Variants in GJC2 observed in about 807,000 individuals in gnomAD.
The protein encoded by GJC2 is gap junction protein gamma 2, also known as gap junction gamma-2 protein.
For missense variants in GJC2, 647 were observed against 648.9 expected (o/e 1.00, Z 0.03); for synonymous variants, 336 against 307.5 (o/e 1.09, Z -0.97).
rs895413218 is a variant in GJC2 at position 228,150,696 on chromosome 1, G to A, written c.-20+689G>A. Among the ~76,000 whole-genome samples the A allele has an allele frequency of 4.6e-5, 7 of 152,050 alleles. No homozygotes were observed. Among genetic ancestry groups the A allele is most frequent in the African/African-American group, 9.7e-5 (4 of 41,406 alleles). On this transcript the variant is annotated intron_variant, in intron 1 of 1. Coordinates refer to ENST00000366714, the MANE Select transcript of GJC2 (RefSeq NM_020435.4). The surrounding 1 kb of genome is among the most constrained non-coding windows in gnomAD (Gnocchi z 4.6). Reference sequence around the variant, plus strand: ...GAGGCCCACACCCCTCTGGGAGGGCGGAGCACCCCAGGGCTGCTGCGCAGG... The same window carrying A: ...GAGGCCCACACCCCTCTGGGAGGGCAGAGCACCCCAGGGCTGCTGCGCAGG...
chr1:228,158,814 C>A lies in GJC2; in HGVS notation c.1056C>A (p.Asn352Lys). 1.4e-6 allele frequency: 2 copies of A among 1,452,306 alleles called. No homozygotes were observed. The highest frequency in any genetic ancestry group is 1.8e-6 in the Non-Finnish European group (2 of 1,105,636). The allele number at this position is 1,452,306 out of a possible 1,614,324, so 90.0% of individuals were successfully genotyped here. A position where few individuals can be genotyped will look rare whatever the true frequency, so the allele number is the denominator to read the frequency against. The change falls in exon 2 of 2, where the codon AAC becomes AAA. Residue 352 changes from asparagine to lysine, a missense_variant. By Grantham distance (94) the Asn-to-Lys change is moderately conservative. Coordinates refer to ENST00000366714, the MANE Select transcript of GJC2 (RefSeq NM_020435.4). This position sits in a 1 kb window ranked among gnomAD's most constrained non-coding sequence, Gnocchi z 8.3. Reference protein sequence around the residue: ...RARAHDQNLANLALQALRDGA... With the variant: ...RARAHDQNLAKLALQALRDGA... ...GGGCGCATGACCAGAACCTGGCAAACCTGGCCCTGCAGGCGCTGCGCGACG... is the reference window on the plus strand; with the variant it reads ...GGGCGCATGACCAGAACCTGGCAAAACTGGCCCTGCAGGCGCTGCGCGACG...
Position 228,157,740 on chromosome 1 carries a change from G to GGGGGGGGGGGGGGCC in GJC2, c.-19_-18insGGGGGGGGGGGGGCC. 1.5e-6 allele frequency: 1 copy of GGGGGGGGGGGGGGCC among 662,262 alleles called. No individual in the cohort carries two copies. Among genetic ancestry groups the GGGGGGGGGGGGGGCC allele is most frequent in the Non-Finnish European group, 2.6e-6 (1 of 378,506 alleles). 41.0% of individuals were successfully genotyped at this position (662,262 alleles called of 1,614,324 possible). A position where few individuals can be genotyped will look rare whatever the true frequency, so the allele number is the denominator to read the frequency against. The stretch of plus-strand genomic sequence containing the variant: ...GGCTGACCCCTACCCCGCCCCACAG[G>GGGGGGGGGGGGGGCC]ACCCGCCCGCCCGCCCCTATGACCA... On this transcript the variant is annotated splice_region_variant and 5_prime_UTR_variant, in exon 2 of 2. Coordinates refer to ENST00000366714, the MANE Select transcript of GJC2 (RefSeq NM_020435.4).
chr1:228,158,714 C>T lies in GJC2; in HGVS notation c.956C>T (p.Ala319Val), dbSNP rs1180625150. Residue 319 changes from alanine (A) to valine (V), a missense_variant, in exon 2 of 2, where the codon GCC becomes GTC. Transcript: ENST00000366714. The surrounding 1 kb of genome is among the most constrained non-coding windows in gnomAD (Gnocchi z 8.3). ...CCCGCGCCGCGGCCCCCGCCCTGCG[C>T]CTTCCCTGCGGCGGCCGCTGGCTTG... ...PAPAPRPPPC[A>V]FPAAAAGLAC... 7.8e-7 allele frequency: 1 copy of T among 1,280,644 alleles called. No individual in the cohort carries two copies. The highest frequency in any genetic ancestry group is 3.6e-5 in the Admixed American group (1 of 27,950). 79.3% of individuals were successfully genotyped at this position (1,280,644 alleles called of 1,614,324 possible).
In GJC2 at chr1:228,159,359, CT is replaced by C; in HGVS notation, c.*282del. On this transcript the variant is annotated 3_prime_UTR_variant, in exon 2 of 2. Coordinates refer to ENST00000366714, the MANE Select transcript of GJC2 (RefSeq NM_020435.4). The surrounding 1 kb of genome is among the most constrained non-coding windows in gnomAD (Gnocchi z 4.0). ...GGGGAGTGGGGCATTGACTCCACCC[CT>C]GTCCTGAGCTGGAATAGGTCCTCTG... 1 of 477,978 alleles carries C rather than the reference CT, an allele frequency of 2.1e-6. No homozygotes were observed. Among genetic ancestry groups the C allele is most frequent in the Non-Finnish European group, 3.9e-6 (1 of 258,688 alleles). The allele number at this position is 477,978 out of a possible 1,614,324, so 29.6% of individuals were successfully genotyped here. A position where few individuals can be genotyped will look rare whatever the true frequency, so the allele number is the denominator to read the frequency against.
Position 228,158,272 on chromosome 1 carries a change from G to A in GJC2, c.514G>A (p.Ala172Thr). ...AEGAGEEAEE[A>T]GAEEACTKAV... is the part of the protein sequence containing the mutation. ...GGGCGCCGGCGAGGAAGCGGAGGAGGCAGGCGCGGAGGAGGCGTGCACTAA... is the reference window on the plus strand; with the variant it reads ...GGGCGCCGGCGAGGAAGCGGAGGAGACAGGCGCGGAGGAGGCGTGCACTAA... The change falls in exon 2 of 2, where the codon GCA becomes ACA. Residue 172 changes from alanine (A) to threonine (T), a missense_variant. By Grantham distance (58) the Ala-to-Thr change is moderately conservative. Coordinates refer to ENST00000366714, the MANE Select transcript of GJC2 (RefSeq NM_020435.4). This position sits in a 1 kb window ranked among gnomAD's most constrained non-coding sequence, Gnocchi z 8.3. 2.0e-6 allele frequency: 3 copies of A among 1,524,814 alleles called. No homozygotes were observed. Among genetic ancestry groups the A allele is most frequent in the East Asian group, 2.5e-5 (1 of 40,524 alleles). 94.5% of individuals were successfully genotyped at this position (1,524,814 alleles called of 1,614,324 possible).
Position 228,159,017 on chromosome 1 carries a change from G to C in GJC2, c.1259G>C (p.Arg420Thr). ...CACGAGCGGCCAGGAGCCAAGCCCA[G>C]GGCTGGCTCCGAGAAGGGCAGTGCC... is the stretch of plus-strand genomic sequence containing the variant. ...GTHERPGAKP[R>T]AGSEKGSASS... Residue 420 changes from arginine (R) to threonine (T), a missense_variant, in exon 2 of 2, where the codon AGG becomes ACG. By Grantham distance (71) the Arg-to-Thr change is moderately conservative. Coordinates refer to ENST00000366714, the MANE Select transcript of GJC2 (RefSeq NM_020435.4). The surrounding 1 kb of genome is among the most constrained non-coding windows in gnomAD (Gnocchi z 4.0). 1 of 1,608,466 alleles carries C rather than the reference G, an allele frequency of 6.2e-7. No homozygotes were observed.
intron 1 of GJC2, among the ~76,000 whole-genome samples, chr1:228,154,656 C>T (rs2034659268): frequency 6.6e-6 from 1 of 152,218 alleles, no homozygotes. Flanking sequence ...TCTCCTGTCC[C>T]CCATTTGGTT....
intron 1 of GJC2, among the ~76,000 whole-genome samples, chr1:228,156,082 G>A (rs1558118796): frequency 6.6e-6 from 1 of 152,382 alleles, no homozygotes; most frequent in East Asian, 1.9e-4. Flanking sequence ...CTGGAGCCAG[G>A]GAGATAGGGG....
At chr1:228,156,676 C>T (rs912643580) in intron 1 of GJC2, among the ~76,000 whole-genome samples, 89 of 152,208 alleles carry the variant, frequency 5.8e-4, no homozygotes, top group African/African-American at 2.1e-3. Flanking sequence ...GGCCAGGTAC[C>T]GGGAGGGGGC....
chr1:228,159,311 C>G lies in GJC2; in HGVS notation c.*233C>G, dbSNP rs2034740169. The G allele has an allele frequency of 1.7e-6, 1 of 585,886 alleles. No individual in the cohort carries two copies. Among genetic ancestry groups the G allele is most frequent in the African/African-American group, 1.9e-5 (1 of 51,622 alleles). 36.3% of individuals were successfully genotyped at this position (585,886 alleles called of 1,614,324 possible). On this transcript the variant is annotated 3_prime_UTR_variant, in exon 2 of 2. Coordinates refer to ENST00000366714, the MANE Select transcript of GJC2 (RefSeq NM_020435.4). This position sits in a 1 kb window ranked among gnomAD's most constrained non-coding sequence, Gnocchi z 4.0. The stretch of plus-strand genomic sequence containing the variant: ...AGAGGCCTAGGAGCCAGAAAGGGCC[C>G]TCTGCTGTGGTCTGAACCCCAGGGG...
intron 1 of GJC2, among the ~76,000 whole-genome samples, chr1:228,153,503 C>T (rs762782326): frequency 3.3e-5 from 5 of 151,768 alleles, no homozygotes; most frequent in Non-Finnish European, 7.4e-5. Flanking sequence ...TCTCCCACCT[C>T]AGCTTCCCGA....
chr1:228,157,740 G>GGGGGGGGGGGGCC lies in GJC2; in HGVS notation c.-19_-18insGGGGGGGGGGGCC. On this transcript the variant is annotated splice_region_variant and 5_prime_UTR_variant, in exon 2 of 2. Transcript: ENST00000366714. ...GGCTGACCCCTACCCCGCCCCACAG[G>GGGGGGGGGGGGCC]ACCCGCCCGCCCGCCCCTATGACCA... 1.5e-6 allele frequency: 1 copy of GGGGGGGGGGGGCC among 662,262 alleles called. No homozygotes were observed. Among genetic ancestry groups the GGGGGGGGGGGGCC allele is most frequent in the Non-Finnish European group, 2.6e-6 (1 of 378,506 alleles). The allele number at this position is 662,262 out of a possible 1,614,324, so 41.0% of individuals were successfully genotyped here. A position where few individuals can be genotyped will look rare whatever the true frequency, so the allele number is the denominator to read the frequency against.
Position 228,157,741 on chromosome 1 carries a change from A to AGACC in GJC2, c.-18_-17insGACC. 4.2e-5 allele frequency: 15 copies of AGACC among 354,470 alleles called. No individual in the cohort carries two copies. The highest frequency in any genetic ancestry group is 7.7e-5 in the South Asian group (4 of 52,106). 22.0% of individuals were successfully genotyped at this position (354,470 alleles called of 1,614,324 possible). A position where few individuals can be genotyped will look rare whatever the true frequency, so the allele number is the denominator to read the frequency against. On this transcript the variant is annotated splice_region_variant and 5_prime_UTR_variant, in exon 2 of 2. Coordinates refer to ENST00000366714, the MANE Select transcript of GJC2 (RefSeq NM_020435.4). ...GCTGACCCCTACCCCGCCCCACAGG[A>AGACC]CCCGCCCGCCCGCCCCTATGACCAA...
rs2034616398 is a variant in GJC2, at chr1:228,151,580, G to C, written c.-20+1573G>C. 6.6e-6 allele frequency among the ~76,000 whole-genome samples: 1 copy of C among 152,202 alleles called. No homozygotes were observed. Among genetic ancestry groups the C allele is most frequent in the Admixed American group, 6.5e-5 (1 of 15,278 alleles). On this transcript the variant is annotated intron_variant, in intron 1 of 1. Transcript: ENST00000366714. The surrounding 1 kb of genome is among the most constrained non-coding windows in gnomAD (Gnocchi z 5.4). ...CTCGAGCAGCAGTGTGCATGTGGCA[G>C]TGTGCACTGCTTGTGTGTGGGGGGG... is the stretch of plus-strand genomic sequence containing the variant.
In GJC2 at chr1:228,152,225, C is replaced by T. The variant is rs2034624346; in HGVS notation, c.-20+2218C>T. Among the ~76,000 whole-genome samples, 1 of 152,120 alleles carries T rather than the reference C, an allele frequency of 6.6e-6. No homozygotes were observed. Among genetic ancestry groups the T allele is most frequent in the East Asian group, 1.9e-4 (1 of 5,176 alleles). On this transcript the variant is annotated intron_variant, in intron 1 of 1. Transcript: ENST00000366714. This position sits in a 1 kb window ranked among gnomAD's most constrained non-coding sequence, Gnocchi z 7.3. ...GGGAGGAGCCTGCCCCAGGGTCCCG[C>T]CTGGTGAACTGTGTGCGTGGGTGCC...
At chr1:228,153,588 T>C (rs940860521) in intron 1 of GJC2, among the ~76,000 whole-genome samples, 7 of 139,078 alleles carry the variant, frequency 5.0e-5, no homozygotes, top group Non-Finnish European at 9.7e-5. Context: ...TTTCTTTTTT[T>C]TTTTTTTTTT....
rs2034590545 is a variant in GJC2, at chr1:228,150,015, G to C, written c.-20+8G>C. The C allele has an allele frequency of 6.5e-6, 1 of 152,704 alleles. No homozygotes were observed. The highest frequency in any genetic ancestry group is 1.5e-5 in the Non-Finnish European group (1 of 68,454). 9.5% of individuals were successfully genotyped at this position (152,704 alleles called of 1,614,324 possible). The stretch of plus-strand genomic sequence containing the variant: ...TTTTCTGGCCTGGAGAAGGTAGGGT[G>C]CTGGGGTCCATGTATGTACCTCATG... On this transcript the variant is annotated splice_region_variant and intron_variant, in intron 1 of 1. Transcript: ENST00000366714. This position sits in a 1 kb window ranked among gnomAD's most constrained non-coding sequence, Gnocchi z 4.6.
Position 228,158,857 on chromosome 1 carries a change from C to T in GJC2, c.1099C>T (p.Arg367Cys), listed in dbSNP as rs1380775420. 3 of 1,477,790 alleles carry T rather than the reference C, an allele frequency of 2.0e-6. No individual in the cohort carries two copies. Among genetic ancestry groups the T allele is most frequent in the African/African-American group, 3.0e-5 (2 of 67,696 alleles). 91.5% of individuals were successfully genotyped at this position (1,477,790 alleles called of 1,614,324 possible). A position where few individuals can be genotyped will look rare whatever the true frequency, so the allele number is the denominator to read the frequency against. The change falls in exon 2 of 2, where the codon CGC becomes TGC. Residue 367 changes from arginine to cysteine, a missense_variant. Physicochemically the swap from Arg to Cys is radical, Grantham distance 180. Coordinates refer to ENST00000366714, the MANE Select transcript of GJC2 (RefSeq NM_020435.4). This position sits in a 1 kb window ranked among gnomAD's most constrained non-coding sequence, Gnocchi z 8.3. ...GCGCGACGGGGCAGCGGCTGGGGAC[C>T]GCGACCGGGACAGTTCGCCGTGCGT... ...ALRDGAAAGDRDRDSSPCVGL... is the reference protein window; with the variant it reads ...ALRDGAAAGDCDRDSSPCVGL...
In GJC2 at chr1:228,151,750, G is replaced by A. The variant is rs148460289; in HGVS notation, c.-20+1743G>A. 0.028 allele frequency among the ~76,000 whole-genome samples: 4,339 copies of A among 152,258 alleles called. 91 individuals carry two copies. The highest frequency in any genetic ancestry group is 0.041 in the Non-Finnish European group (2,810 of 67,996). ...GGGGCAGAGTGGGCATGGAGGGAGG[G>A]TTCCAGGCCTCGGGCTTGGGTCCTA... On this transcript the variant is annotated intron_variant, in intron 1 of 1. Coordinates refer to ENST00000366714, the MANE Select transcript of GJC2 (RefSeq NM_020435.4). The surrounding 1 kb of genome is among the most constrained non-coding windows in gnomAD (Gnocchi z 5.4).
Sources: allele counts gnomAD v4.1 joint callset (sites outside exome capture counted in the v4.1 genomes callset), GRCh38; gene constraint gnomAD v4.1.1; non-coding constraint Gnocchi (gnomAD v3.1); transcripts MANE v1.5; gene names NCBI Gene and HGNC (gene_info 2026-07-23, HGNC 2026-07-21).